Variants in CSMD3 observed in about 807,000 individuals in gnomAD.
CSMD3 encodes CUB and Sushi multiple domains 3.
CSMD3 carries 177 observed loss-of-function variants against 435.2 expected under a neutral mutation model. That is an observed-to-expected ratio of 0.41 (90% CI 0.36 to 0.46). The LOEUF (loss-of-function observed/expected upper bound fraction) is 0.46, where lower values mean the gene tolerates loss of function less well. CSMD3 is among the 20% of genes least tolerant of loss of function. The probability of loss-of-function intolerance (pLI) is 0.34; values close to 1 mark genes in which losing one functional copy is unlikely to be tolerated. For missense variants in CSMD3, 4,265 were observed against 4,504.6 expected (o/e 0.95, Z 1.52); for synonymous variants, 1,656 against 1,520.5 (o/e 1.09, Z -2.07).
intron 3 of CSMD3, among the ~76,000 whole-genome samples, chr8:113,185,667 T>A (rs2092488320): frequency 7.2e-5 from 11 of 152,112 alleles, no homozygotes; most frequent in Admixed American, 7.2e-4. Flanking sequence ...CTGTAGAGTA[T>A]GTTTCTTGGT....
intron 1 of CSMD3, among the ~76,000 whole-genome samples, chr8:113,408,133 AT>A (rs148654640): frequency 0.018 from 2,750 of 151,906 alleles, 96 homozygotes; most frequent in African/African-American, 0.061. Flanking sequence ...GTCTAACTCT[AT>A]TTTTTTTCAA....
chr8:112,564,325 T>TCCTTCTCCCCTC (rs1018666815), intron 24 of CSMD3, among the ~76,000 whole-genome samples: 17 of 151,016 alleles, frequency 1.1e-4, no homozygotes, highest in African/African-American at 2.7e-4. Context: ...CTTCTTCCCT[T>TCCTTCTCCCCTC]CCTTCTCCCC....
intron 6 of CSMD3, among the ~76,000 whole-genome samples, chr8:112,978,996 G>A (rs1482093449): frequency 1.3e-5 from 2 of 151,866 alleles, no homozygotes; most frequent in South Asian, 2.1e-4. Flanking sequence ...TGCAAAAGTC[G>A]CATTTCAAAC....
chr8:112,881,359 T>A (rs996664487), intron 10 of CSMD3, among the ~76,000 whole-genome samples: 2 of 152,086 alleles, frequency 1.3e-5, no homozygotes, highest in African/African-American at 4.8e-5. Flanking sequence ...GAAGGCATGG[T>A]AAAGACAAAG....
chr8:113,430,798 T>A (rs1226251031), intron 1 of CSMD3, among the ~76,000 whole-genome samples: 3 of 152,206 alleles, frequency 2.0e-5, no homozygotes, highest in African/African-American at 7.2e-5. Flanking sequence ...CATATGTTAA[T>A]GTAAATTTAG....
chr8:113,061,726 G>A (rs1381642203), intron 5 of CSMD3, among the ~76,000 whole-genome samples: 2 of 151,762 alleles, frequency 1.3e-5, no homozygotes, highest in East Asian at 1.9e-4. Flanking sequence ...TTTATTTAAT[G>A]TTGTTGGGAT....
chr8:113,332,595 T>TA (rs2094036678), intron 1 of CSMD3, among the ~76,000 whole-genome samples: 1 of 151,684 alleles, frequency 6.6e-6, no homozygotes, highest in African/African-American at 2.4e-5. Flanking sequence ...TTATACTAAA[T>TA]ACTACAAAAA....
At chr8:112,498,074 CTATACT>C (rs1302991737) in intron 30 of CSMD3, among the ~76,000 whole-genome samples, 1 of 151,978 alleles carries the variant, frequency 6.6e-6, no homozygotes, top group Non-Finnish European at 1.5e-5. Flanking sequence ...TTCTCTCTAC[CTATACT>C]TATATTTTTC....
intron 9 of CSMD3, 99 bp from the exon 10 acceptor site, chr8:112,921,850 T>C: frequency 2.3e-6 from 2 of 887,674 alleles, no homozygotes; most frequent in Non-Finnish European, 1.8e-6. Context: ...AAATATGTAC[T>C]ATAGTGACAA....
intron 5 of CSMD3, among the ~76,000 whole-genome samples, chr8:113,021,833 G>A (rs1223027896): frequency 6.6e-6 from 1 of 152,120 alleles, no homozygotes; most frequent in Non-Finnish European, 1.5e-5. Context: ...ATGAGGTGGA[G>A]CAAATAATGA....
At chr8:113,018,105 A>T (rs2131164689) in intron 6 of CSMD3, among the ~76,000 whole-genome samples, 1 of 152,216 alleles carries the variant, frequency 6.6e-6, no homozygotes, top group South Asian at 2.1e-4. Context: ...TATTACAGTG[A>T]TACTCAGTGC....
chr8:112,370,391 T>C (rs909294147), intron 38 of CSMD3, among the ~76,000 whole-genome samples: 17 of 152,344 alleles, frequency 1.1e-4, no homozygotes, highest in South Asian at 4.1e-4. Context: ...TGGTAATACC[T>C]TGTAAATCAG....
chr8:112,724,928 A>G (rs930093202), intron 13 of CSMD3, among the ~76,000 whole-genome samples: 2 of 152,090 alleles, frequency 1.3e-5, no homozygotes, highest in Non-Finnish European at 1.5e-5. Context: ...AAAAGTATAC[A>G]AAGAATCCAC....
chr8:112,643,987 T>C (rs1049001107), intron 20 of CSMD3, among the ~76,000 whole-genome samples: 30 of 151,960 alleles, frequency 2.0e-4, no homozygotes, highest in African/African-American at 6.7e-4. Flanking sequence ...TATTTTGTTT[T>C]GACTTTTTCT....
At position 112,658,903 on chromosome 8, in the gene CSMD3, C is replaced by T. The variant is rs1229098789; in HGVS notation, c.2817-2562G>A. On this transcript the variant is annotated intron_variant, in intron 17 of 70. Transcript: ENST00000297405. ...CTGGGAGGCGGAGGTTGCAGTGGGC[C>T]GAGATCGCACCACTGCACTCCAGCC... Among the ~76,000 whole-genome samples, 8 of 151,870 alleles carry T rather than the reference C, an allele frequency of 5.3e-5. No homozygotes were observed. In the South Asian group the frequency reaches 1.0e-3, roughly 20 times the overall value.
At chr8:113,036,180 T>C (rs564426692) in intron 5 of CSMD3, among the ~76,000 whole-genome samples, 1 of 152,126 alleles carries the variant, frequency 6.6e-6, no homozygotes, top group Admixed American at 6.5e-5. Flanking sequence ...AGTCTTCACA[T>C]TTTCTCATTC....
intron 10 of CSMD3, among the ~76,000 whole-genome samples, chr8:112,870,362 G>C (rs983481750): frequency 1.5e-4 from 23 of 150,730 alleles, no homozygotes; most frequent in Admixed American, 1.5e-3. Flanking sequence ...TCCACCTCCC[G>C]GGTTCACGCC....
chr8:112,391,490 G>A (rs544703127), intron 35 of CSMD3, among the ~76,000 whole-genome samples: 33 of 152,070 alleles, frequency 2.2e-4, no homozygotes, highest in Non-Finnish European at 3.8e-4. Flanking sequence ...TCGGGAGTTC[G>A]AGACCAGCCT....
chr8:112,621,721 C>T (rs1195375100), intron 22 of CSMD3, among the ~76,000 whole-genome samples: 1 of 152,148 alleles, frequency 6.6e-6, no homozygotes, highest in Non-Finnish European at 1.5e-5. Flanking sequence ...CCTTTGCTGG[C>T]TCTTTTATAT....
Sources: allele counts gnomAD v4.1 joint callset (sites outside exome capture counted in the v4.1 genomes callset), GRCh38; gene constraint gnomAD v4.1.1; transcripts MANE v1.5; gene names NCBI Gene and HGNC (gene_info 2026-07-23, HGNC 2026-07-21).